Variants in UGGT1 observed in about 807,000 individuals in gnomAD.
UGGT1 encodes UDP-glucose glycoprotein glucosyltransferase 1.
Under a neutral mutation model 203.9 loss-of-function variants are expected in UGGT1, and 107 were observed. That is an observed-to-expected ratio of 0.52 (90% CI 0.45 to 0.62). The LOEUF is 0.62. Among genes scored for constraint, UGGT1 ranks in the 20% least tolerant of loss-of-function variants. The pLI is 0.00. For missense variants in UGGT1, 1,673 were observed against 1,867.2 expected, an observed-to-expected ratio of 0.90 and a Z score of 1.92; for synonymous variants, 628 against 653.5, an observed-to-expected ratio of 0.96 and a Z score of 0.59.
In UGGT1 at chr2:128,177,826, T is replaced by C. The variant is rs1415630006; in HGVS notation, c.3625-6T>C. 1 of 1,595,558 alleles carries C rather than the reference T, an allele frequency of 6.3e-7. No individual in the cohort carries two copies. Among genetic ancestry groups the C allele is most frequent in the South Asian group, 1.1e-5 (1 of 87,946 alleles). On this transcript the variant is annotated splice_region_variant and splice_polypyrimidine_tract_variant and intron_variant, in intron 32 of 40. Coordinates refer to ENST00000259253, the MANE Select transcript of UGGT1 (RefSeq NM_020120.4). The stretch of plus-strand genomic sequence containing the variant: ...TGGGAGTAAGGTTTATCACATTTGA[T>C]TGCAGGTTCAGAAGAAGGCAGATAT...
At chr2:128,102,797 C>G (rs1011090851) in intron 2 of UGGT1, among the ~76,000 whole-genome samples, 1 of 152,138 alleles carries the variant, frequency 6.6e-6, no homozygotes, top group African/African-American at 2.4e-5. Context: ...CACCTTGCCC[C>G]TCTCTGCTTA....
At chr2:128,143,031 G>A in intron 16 of UGGT1, 63 bp from the exon 17 acceptor site, 2 of 1,461,226 alleles carry the variant, frequency 1.4e-6, no homozygotes, top group South Asian at 1.4e-5. Flanking sequence ...GAAAAATGTG[G>A]AATAAACACT....
At chr2:128,153,607 C>T (rs913316479) in intron 19 of UGGT1, among the ~76,000 whole-genome samples, 6 of 152,148 alleles carry the variant, frequency 3.9e-5, no homozygotes, top group Admixed American at 2.6e-4. Context: ...TAATTGGAAG[C>T]CTTTTGTGCC....
In UGGT1 at chr2:128,113,700, G is replaced by GTTGTTAGCCCTTTAAAGTTTCTATGT. The variant is rs1211354163; in HGVS notation, c.696+442_696+443insTTGTTAGCCCTTTAAAGTTTCTATGT. Reference sequence around the variant, plus strand: ...ATTAAGCTTTTAAGACTCTGTGTAGGCCGGGCGCGGTGGCTCACGCCTGTA... The same window carrying GTTGTTAGCCCTTTAAAGTTTCTATGT: ...ATTAAGCTTTTAAGACTCTGTGTAGGTTGTTAGCCCTTTAAAGTTTCTATGTCCGGGCGCGGTGGCTCACGCCTGTA... On this transcript the variant is annotated intron_variant, in intron 6 of 40. Coordinates refer to ENST00000259253, the MANE Select transcript of UGGT1 (RefSeq NM_020120.4). 6.7e-3 allele frequency among the ~76,000 whole-genome samples: 21 copies of GTTGTTAGCCCTTTAAAGTTTCTATGT among 3,130 alleles called. 8 individuals carry two copies. In the Non-Finnish European group the frequency reaches 0.15, roughly 22 times the overall value. The allele number at this position is 3,130 out of a possible 152,430, so 2.1% of individuals were successfully genotyped here.
At chr2:128,148,066 T>C (rs1689775047) in intron 18 of UGGT1, among the ~76,000 whole-genome samples, 1 of 152,174 alleles carries the variant, frequency 6.6e-6, no homozygotes, top group African/African-American at 2.4e-5. Flanking sequence ...TCTTTTATTT[T>C]CTTTCCTTTT....
At chr2:128,117,260 T>C (rs1015923658) in intron 8 of UGGT1, among the ~76,000 whole-genome samples, 1 of 151,980 alleles carries the variant, frequency 6.6e-6, no homozygotes, top group African/African-American at 2.4e-5. Context: ...TGGCTAACTT[T>C]TGTATTTTTA....
At chr2:128,181,923 A>C (rs934684486) in intron 36 of UGGT1, among the ~76,000 whole-genome samples, 1 of 152,174 alleles carries the variant, frequency 6.6e-6, no homozygotes, top group Non-Finnish European at 1.5e-5. Flanking sequence ...TCCTACTCCC[A>C]CACACCTTGC....
intron 39 of UGGT1, 46 bp downstream of exon 39, chr2:128,186,845 G>A (rs199760172): frequency 1.5e-6 from 2 of 1,355,610 alleles, no homozygotes; most frequent in African/African-American, 1.5e-5. Flanking sequence ...CACTGGATGT[G>A]TGAGTGAATC....
intron 37 of UGGT1, 134 bp downstream of exon 37, chr2:128,182,424 G>T: frequency 8.5e-7 from 1 of 1,180,742 alleles, no homozygotes. Flanking sequence ...CAGTGGCTGG[G>T]TGCAGTGGCT....
chr2:128,180,228 C>T (rs1253836857), intron 35 of UGGT1, among the ~76,000 whole-genome samples: 2 of 152,208 alleles, frequency 1.3e-5, no homozygotes, highest in Non-Finnish European at 2.9e-5. Context: ...TGAACCACTC[C>T]TAGATGATGT....
In UGGT1 at chr2:128,167,151, C is replaced by T. The variant is rs146849320; in HGVS notation, c.2921+2326C>T. 5.8e-3 allele frequency among the ~76,000 whole-genome samples: 878 copies of T among 152,260 alleles called. 8 individuals carry two copies. The highest frequency in any genetic ancestry group is 9.6e-3 in the Non-Finnish European group (655 of 68,008). ...CAGGAAGTAACTCATTAGTCACCAG[C>T]GGGAGGAAACCTTTCCTAATCAACC... On this transcript the variant is annotated intron_variant, in intron 26 of 40. Transcript: ENST00000259253.
rs778674147 is a variant in UGGT1 at position 128,159,685 on chromosome 2, G to C, written c.2527G>C (p.Ala843Pro). 1.2e-6 allele frequency: 2 copies of C among 1,614,012 alleles called. No individual in the cohort carries two copies. Among genetic ancestry groups the C allele is most frequent in the South Asian group, 1.1e-5 (1 of 91,078 alleles). Residue 843 changes from alanine to proline, a missense_variant, in exon 23 of 41, where the codon GCT (alanine) becomes CCT (proline). Around this residue, in one of 4 missense-constraint regions of UGGT1, gnomAD observed 1,073 missense variants for 1,078.7 expected, o/e 0.99. Coordinates refer to ENST00000259253, the MANE Select transcript of UGGT1 (RefSeq NM_020120.4). ...MAKEGAAEAL[A>P]AGADIAEFSV... ...CAAGGAGGGGGCTGCAGAGGCCCTG[G>C]CTGCAGGAGCTGACATTGCGGAGTT...
In UGGT1 at chr2:128,115,203, A is replaced by T. The variant is rs1353224965; in HGVS notation, c.776A>T (p.Asp259Val). 4 of 1,613,752 alleles carry T rather than the reference A, an allele frequency of 2.5e-6. No homozygotes were observed. Among genetic ancestry groups the T allele is most frequent in the South Asian group, 1.1e-5 (1 of 91,066 alleles). Residue 259 changes from aspartate to valine, a missense_variant, in exon 7 of 41, where the codon GAT (aspartate) becomes GTT (valine). Asp to Val is a radical substitution (Grantham distance 152). This residue lies in a region of UGGT1 where 1,073 missense variants were observed against 1,078.7 expected (regional missense o/e 0.99). Transcript: ENST00000259253. ...AAGAGCACTGAGTACAAGGCCAAGG[A>T]TGATACTCAGGTGAAAGGTGAATTT... ...AIKSTEYKAK[D>V]DTQVKGTEVN... is the part of the protein sequence containing the mutation.
intron 2 of UGGT1, among the ~76,000 whole-genome samples, chr2:128,102,425 T>G (rs1687422102): frequency 6.6e-6 from 1 of 152,218 alleles, no homozygotes; most frequent in Admixed American, 6.5e-5. Flanking sequence ...ATTACAGGCG[T>G]GAGCCACGGC....
At position 128,108,342 on chromosome 2, in the gene UGGT1, A is replaced by G. The variant is rs6736490; in HGVS notation, c.408+274A>G. Among the ~76,000 whole-genome samples the G allele has an allele frequency of 0.89, 135,579 of 152,244 alleles. 61,363 individuals carry two copies. The highest frequency in any genetic ancestry group is 0.98 in the Non-Finnish European group (66,387 of 68,038). On this transcript the variant is annotated intron_variant, in intron 4 of 40. Transcript: ENST00000259253. ...TGGGAGATGTAATCTTGTTAAACCA[A>G]TGAGCCAGCATCTAATTACAGCCTG...
intron 30 of UGGT1, among the ~76,000 whole-genome samples, chr2:128,174,342 A>T (rs1472347194): frequency 3.7e-5 from 5 of 133,572 alleles, no homozygotes; most frequent in Non-Finnish European, 7.8e-5. Flanking sequence ...ACTCCTGCCC[A>T]GGCTGGAGTG....
At chr2:128,163,631 C>T (rs1236166855) in intron 25 of UGGT1, among the ~76,000 whole-genome samples, 1 of 151,608 alleles carries the variant, frequency 6.6e-6, no homozygotes, top group African/African-American at 2.4e-5. Context: ...AGGAGAATGG[C>T]GTGAACCCGG....
chr2:128,138,905 A>G (rs1689274421), intron 16 of UGGT1, 53 bp downstream of exon 16: 1 of 1,606,120 alleles, frequency 6.2e-7, no homozygotes, highest in Non-Finnish European at 8.5e-7. Flanking sequence ...ACTTACTCTT[A>G]ATAACAATGT....
At chr2:128,172,318 T>C (rs1268270506) in intron 28 of UGGT1, among the ~76,000 whole-genome samples, 2 of 152,134 alleles carry the variant, frequency 1.3e-5, no homozygotes, top group Non-Finnish European at 2.9e-5. Flanking sequence ...TAGAAGGTCA[T>C]TGCTACGACA....
Sources: allele counts gnomAD v4.1 joint callset (sites outside exome capture counted in the v4.1 genomes callset), GRCh38; gene constraint gnomAD v4.1.1; regional missense constraint gnomAD v4.1.1; transcripts MANE v1.5; gene names NCBI Gene and HGNC (gene_info 2026-07-23, HGNC 2026-07-21).